The following ABCC4 variants were observed in gnomAD, a reference collection of about 807,000 sequenced individuals.
ABCC4 encodes the protein ATP binding cassette subfamily C member 4 (PEL blood group).
ABCC4 carries 102 observed loss-of-function variants against 168.5 expected under a neutral mutation model. The observed-to-expected ratio is 0.61, with a 90% CI of 0.52 to 0.71. The LOEUF is 0.71. Ranked by LOEUF, ABCC4 falls within the 30% of genes least tolerant of loss-of-function variation. ABCC4 has a pLI of 0.00. For synonymous variants in ABCC4, 617 were observed against 590.7 expected, an observed-to-expected ratio of 1.04 and a Z score of -0.65; for missense variants, 1,402 against 1,605.8, an observed-to-expected ratio of 0.87 and a Z score of 2.17.
chr13:95,141,442 GA>G (rs1479794304), intron 19 of ABCC4, among the ~76,000 whole-genome samples: 1 of 151,948 alleles, frequency 6.6e-6, no homozygotes, highest in Non-Finnish European at 1.5e-5. Context: ...AAAAGTCAAA[GA>G]ATTTAAGAAT....
At chr13:95,240,178 G>GAT (rs1457325172) in intron 3 of ABCC4, among the ~76,000 whole-genome samples, 1 of 152,192 alleles carries the variant, frequency 6.6e-6, no homozygotes, top group Admixed American at 6.5e-5. Flanking sequence ...AGGGGAGGAG[G>GAT]GATATGCAAT....
At chr13:95,225,972 A>AT (rs1372334139) in intron 4 of ABCC4, among the ~76,000 whole-genome samples, 1 of 147,984 alleles carries the variant, frequency 6.8e-6, no homozygotes, top group Non-Finnish European at 1.5e-5. Context: ...TCCACTTAAA[A>AT]AAAAAAAAAA....
At chr13:95,268,839 CCTGGGG>C in intron 1 of ABCC4, among the ~76,000 whole-genome samples, 1 of 152,156 alleles carries the variant, frequency 6.6e-6, no homozygotes, top group Middle Eastern at 3.4e-3. Context: ...GAGACCGGTG[CCTGGGG>C]CGCGGGTCCT....
chr13:95,146,619 T>C lies in ABCC4; in HGVS notation c.2455+14570A>G, dbSNP rs544956587. Among the ~76,000 whole-genome samples the C allele has an allele frequency of 1.5e-4, 23 of 152,236 alleles. No homozygotes were observed. In the South Asian group the frequency reaches 4.8e-3, roughly 32 times the overall value. ...CCTGCGGTTGCCACATAAAAACCGA[T>C]AGGGACAATAACAAGAGTATTGGGC... On this transcript the variant is annotated intron_variant, in intron 19 of 30. Coordinates refer to ENST00000645237, the MANE Select transcript of ABCC4 (RefSeq NM_005845.5).
chr13:95,031,219 G>A (rs917612925), intron 30 of ABCC4, among the ~76,000 whole-genome samples: 2 of 152,242 alleles, frequency 1.3e-5, no homozygotes, highest in Non-Finnish European at 2.9e-5. Flanking sequence ...CAACTTGGAT[G>A]AGAATCAAGC....
At chr13:95,218,020 A>C (rs1049223927) in intron 4 of ABCC4, among the ~76,000 whole-genome samples, 2 of 152,240 alleles carry the variant, frequency 1.3e-5, no homozygotes, top group Admixed American at 6.5e-5. Context: ...TGCTGTAAGT[A>C]AAGTCAGAGT....
chr13:95,157,499 G>GAGGAAGGA (rs74573868), intron 19 of ABCC4, among the ~76,000 whole-genome samples: 4,073 of 149,260 alleles, frequency 0.027, 161 homozygotes, highest in African/African-American at 0.09. Context: ...AAGGAAGAAA[G>GAGGAAGGA]AGGAAGGAAG....
At chr13:95,163,679 C>A in intron 16 of ABCC4, 32 bp from the exon 17 acceptor site, 1 of 1,588,594 alleles carries the variant, frequency 6.3e-7, no homozygotes, top group Non-Finnish European at 8.6e-7. Flanking sequence ...AGACAAAAAT[C>A]AAACTTGGGC....
intron 1 of ABCC4, among the ~76,000 whole-genome samples, chr13:95,258,850 G>C (rs2040456889): frequency 6.6e-6 from 1 of 152,192 alleles, no homozygotes; most frequent in Admixed American, 6.5e-5. Flanking sequence ...ATTTATTATT[G>C]AAAGAATAGT....
At chr13:95,249,490 G>A (rs1330917927) in intron 1 of ABCC4, among the ~76,000 whole-genome samples, 1 of 152,052 alleles carries the variant, frequency 6.6e-6, no homozygotes, top group Non-Finnish European at 1.5e-5. Flanking sequence ...ACACTGCAGG[G>A]GTATCCAAGT....
In ABCC4 at chr13:95,188,578, A is replaced by G. The variant is rs9282567; in HGVS notation, c.1264-36T>C. The G allele has an allele frequency of 9.8e-6, 15 of 1,524,244 alleles. No individual in the cohort carries two copies. The East Asian group carries it at 3.0e-4, about 30-fold the overall frequency. The allele number at this position is 1,524,244 out of a possible 1,614,324, so 94.4% of individuals were successfully genotyped here. A position where few individuals can be genotyped will look rare whatever the true frequency, so the allele number is the denominator to read the frequency against. On this transcript the variant is annotated intron_variant, in intron 9 of 30. Transcript: ENST00000645237. ...AAGTTTATAAAATGTGCCCATTTCA[A>G]TAAAGTCACACAAATCACTTCAAAA...
chr13:95,176,732 C>T (rs1210496729), intron 13 of ABCC4, among the ~76,000 whole-genome samples: 1 of 152,194 alleles, frequency 6.6e-6, no homozygotes, highest in African/African-American at 2.4e-5. Context: ...TCTGCAGGAG[C>T]ATCTACCTCA....
intron 19 of ABCC4, among the ~76,000 whole-genome samples, chr13:95,156,803 C>T (rs7988271): frequency 0.016 from 2,451 of 152,056 alleles, 45 homozygotes; most frequent in East Asian, 0.084. Context: ...AAAGGAAAAC[C>T]GGCTCTTGGC....
At chr13:95,096,952 T>C (rs2139362971) in intron 20 of ABCC4, among the ~76,000 whole-genome samples, 1 of 152,332 alleles carries the variant, frequency 6.6e-6, no homozygotes. Flanking sequence ...TGTATAAATT[T>C]CTTTAAAAGA....
chr13:95,204,032 C>T (rs17268170), intron 8 of ABCC4, among the ~76,000 whole-genome samples: 12,481 of 152,120 alleles, frequency 0.082, 534 homozygotes, highest in East Asian at 0.094. Context: ...TGGCCTTGCT[C>T]GGCAGGAACA....
intron 20 of ABCC4, among the ~76,000 whole-genome samples, chr13:95,088,005 C>G (rs1453490098): frequency 6.6e-6 from 1 of 152,178 alleles, no homozygotes; most frequent in East Asian, 1.9e-4. Flanking sequence ...ATTAATCACT[C>G]CTTTCATCCC....
chr13:95,139,462 T>C (rs997942053), intron 19 of ABCC4, among the ~76,000 whole-genome samples: 1 of 152,126 alleles, frequency 6.6e-6, no homozygotes, highest in African/African-American at 2.4e-5. Flanking sequence ...CAGAGAAGCA[T>C]GAGGGCAAGC....
intron 1 of ABCC4, among the ~76,000 whole-genome samples, chr13:95,284,667 C>A (rs895019489): frequency 2.6e-4 from 40 of 152,204 alleles, no homozygotes; most frequent in Admixed American, 3.3e-4. Context: ...TATGGTTTGA[C>A]TCCCACTGGA....
intron 4 of ABCC4, among the ~76,000 whole-genome samples, chr13:95,227,188 A>G (rs2039489814): frequency 6.6e-6 from 1 of 152,204 alleles, no homozygotes; most frequent in South Asian, 2.1e-4. Flanking sequence ...CAGCAGCAGA[A>G]ATTTCCTCTT....
Sources: gnomAD v4.1 joint callset for allele counts (sites outside exome capture counted in the v4.1 genomes callset) on GRCh38, gnomAD v4.1.1 for gene constraint, MANE v1.5 for transcripts, NCBI Gene and HGNC (gene_info 2026-07-23, HGNC 2026-07-21) for gene names.